DISP1: variants seen among roughly 807,000 people sequenced by gnomAD.
The protein encoded by DISP1 is protein dispatched homolog 1.
In DISP1, 30 loss-of-function variants were observed where a neutral mutation model predicts 37.3. The observed-to-expected ratio is 0.80, with a 90% CI of 0.60 to 1.09. The LOEUF (loss-of-function observed/expected upper bound fraction) is 1.09. DISP1 is among the 50% of genes least tolerant of loss of function. The probability of loss-of-function intolerance (pLI) is 0.00; values close to 1 mark genes in which losing one functional copy is unlikely to be tolerated. For synonymous variants in DISP1, 634 were observed against 690.2 expected, an observed-to-expected ratio of 0.92 and a Z score of 1.28; for missense variants, 1,598 against 1,879.5, an observed-to-expected ratio of 0.85 and a Z score of 2.77.
intron 3 of DISP1, among the ~76,000 whole-genome samples, chr1:222,958,942 G>T (rs1295539223): frequency 7.3e-6 from 1 of 136,450 alleles, no homozygotes; most frequent in Non-Finnish European, 1.6e-5. Context: ...AAGCAATTAA[G>T]AATGTTTAGT....
intron 3 of DISP1, among the ~76,000 whole-genome samples, chr1:222,978,602 G>T (rs376114506): frequency 1.3e-5 from 2 of 152,134 alleles, no homozygotes; most frequent in African/African-American, 4.8e-5. Context: ...GCCCATGCCT[G>T]TGTCCTGAAT....
At chr1:222,877,677 A>G (rs1279526375) in intron 1 of DISP1, among the ~76,000 whole-genome samples, 1 of 152,244 alleles carries the variant, frequency 6.6e-6, no homozygotes, top group East Asian at 1.9e-4. Flanking sequence ...GGGCAGACAG[A>G]TGATCAACTA....
At chr1:222,887,598 A>G (rs1226858941) in intron 1 of DISP1, among the ~76,000 whole-genome samples, 1 of 109,418 alleles carries the variant, frequency 9.1e-6, no homozygotes, top group Non-Finnish European at 2.0e-5. Context: ...TCCTGGGTTC[A>G]CGCCATTCTC....
At chr1:222,861,893 C>T (rs1295498431) in intron 1 of DISP1, among the ~76,000 whole-genome samples, 2 of 152,040 alleles carry the variant, frequency 1.3e-5, no homozygotes, top group South Asian at 2.1e-4. Context: ...TATAACTTCT[C>T]GTACAGTGGG....
intron 1 of DISP1, among the ~76,000 whole-genome samples, chr1:222,820,699 AC>A (rs1662633077): frequency 6.6e-6 from 1 of 152,228 alleles, no homozygotes; most frequent in Non-Finnish European, 1.5e-5. Context: ...TAGGCAAGTT[AC>A]TGAACTTTAT....
chr1:222,834,677 A>G (rs1666586449), intron 1 of DISP1, among the ~76,000 whole-genome samples: 1 of 152,192 alleles, frequency 6.6e-6, no homozygotes, highest in Non-Finnish European at 1.5e-5. Context: ...TAGATGATAG[A>G]TAAGATTATT....
chr1:222,885,474 T>C (rs1056094589), intron 1 of DISP1, among the ~76,000 whole-genome samples: 31 of 150,374 alleles, frequency 2.1e-4, no homozygotes, highest in African/African-American at 6.1e-4. Context: ...CTTTTCTTTT[T>C]TTTTTTTTTT....
chr1:222,915,870 C>T (rs1016276613), intron 1 of DISP1, among the ~76,000 whole-genome samples: 9 of 152,118 alleles, frequency 5.9e-5, no homozygotes, highest in Non-Finnish European at 1.2e-4. Context: ...TAATTGTGTA[C>T]GCTTACTTTT....
chr1:222,968,335 C>T (rs888233916), intron 3 of DISP1, among the ~76,000 whole-genome samples: 1 of 152,152 alleles, frequency 6.6e-6, no homozygotes, highest in African/African-American at 2.4e-5. Context: ...CCCAGTTTCC[C>T]AAAACCTGGC....
intron 1 of DISP1, among the ~76,000 whole-genome samples, chr1:222,847,330 G>C (rs1381265708): frequency 1.3e-5 from 2 of 152,064 alleles, no homozygotes; most frequent in African/African-American, 2.4e-5. Context: ...TCATTCAAGG[G>C]TCCTGGTTAT....
chr1:222,988,646 A>T (rs1159056257), intron 4 of DISP1, among the ~76,000 whole-genome samples: 24 of 103,292 alleles, frequency 2.3e-4, no homozygotes, highest in East Asian at 2.6e-4. Context: ...CTTCCTTTAT[A>T]GCTTTATTTC....
At chr1:222,986,505 C>T (rs1678285370) in intron 4 of DISP1, among the ~76,000 whole-genome samples, 1 of 152,194 alleles carries the variant, frequency 6.6e-6, no homozygotes, top group Admixed American at 6.5e-5. Flanking sequence ...GACTGAAAAT[C>T]TCTGACTATG....
intron 1 of DISP1, among the ~76,000 whole-genome samples, chr1:222,852,241 G>GTT (rs11390277): frequency 7.4e-5 from 11 of 148,464 alleles, no homozygotes; most frequent in East Asian, 5.9e-4. Flanking sequence ...AGCATTTGGG[G>GTT]TTTTTTTTTT....
At position 223,003,748 on chromosome 1, in the gene DISP1, A is replaced by G; in HGVS notation, c.2351A>G (p.His784Arg). ...CGTGTTCACCATGGCGAGGAGCTCC[A>G]CATGCCCATCACAGTAATCTGGGGC... ...FERVHHGEEL[H>R]MPITVIWGVS... Residue 784 changes from histidine to arginine, a missense_variant, in exon 9 of 9, where the codon CAC becomes CGC. Transcript: ENST00000675850. This position sits in a 1 kb window ranked among gnomAD's most constrained non-coding sequence, Gnocchi z 4.3. The G allele has an allele frequency of 6.2e-7, 1 of 1,614,192 alleles. No homozygotes were observed. The highest frequency in any genetic ancestry group is 1.1e-5 in the South Asian group (1 of 91,088).
At position 222,970,427 on chromosome 1, in the gene DISP1, C is replaced by T. The variant is rs1034607172; in HGVS notation, c.510-12653C>T. ...TTATTTTTCAAAGCATTTTAAAATACTAGTTCTTGCCTACCTTATGGGGGG... is the reference window on the plus strand; with the variant it reads ...TTATTTTTCAAAGCATTTTAAAATATTAGTTCTTGCCTACCTTATGGGGGG... On this transcript the variant is annotated intron_variant, in intron 3 of 8. Transcript: ENST00000675850. Among the ~76,000 whole-genome samples the T allele has an allele frequency of 5.3e-5, 8 of 152,200 alleles. No homozygotes were observed. The South Asian group carries it at 1.5e-3, about 28-fold the overall frequency.
intron 2 of DISP1, among the ~76,000 whole-genome samples, chr1:222,931,030 C>CTT (rs1458364846): frequency 6.6e-6 from 1 of 151,974 alleles, no homozygotes; most frequent in Non-Finnish European, 1.5e-5. Context: ...TGATTTGCTG[C>CTT]TTCTCAAACT....
chr1:222,882,232 G>T (rs1219527998), intron 1 of DISP1, among the ~76,000 whole-genome samples: 1 of 152,086 alleles, frequency 6.6e-6, no homozygotes, highest in Admixed American at 6.5e-5. Flanking sequence ...AGATAATCAA[G>T]AATAAAATAA....
intron 3 of DISP1, among the ~76,000 whole-genome samples, chr1:222,972,651 T>C (rs895119091): frequency 1.3e-5 from 2 of 152,330 alleles, no homozygotes; most frequent in Admixed American, 1.3e-4. Flanking sequence ...AACCTACTTA[T>C]GTCAAACCTT....
chr1:222,881,643 T>C (rs1670288028), intron 1 of DISP1, among the ~76,000 whole-genome samples: 1 of 152,220 alleles, frequency 6.6e-6, no homozygotes. Context: ...CTTGCAGCTT[T>C]ATAATGGATT....
Sources: allele counts gnomAD v4.1 joint callset (sites outside exome capture counted in the v4.1 genomes callset), GRCh38; gene constraint gnomAD v4.1.1; non-coding constraint Gnocchi (gnomAD v3.1); transcripts MANE v1.5; gene names NCBI Gene and HGNC (gene_info 2026-07-23, HGNC 2026-07-21).